Variants in RAB10 observed in about 807,000 individuals in gnomAD.
The protein encoded by RAB10 is RAB10, member RAS oncogene family, also known as ras-related protein Rab-10.
Under a neutral mutation model 25.7 loss-of-function variants are expected in RAB10, and 5 were observed. That is an observed-to-expected ratio of 0.19 (90% CI 0.10 to 0.41). The LOEUF (loss-of-function observed/expected upper bound fraction) is 0.41, where lower values mean the gene tolerates loss of function less well. Among genes scored for constraint, RAB10 ranks in the 10% least tolerant of loss-of-function variants. RAB10 has a pLI of 1.00. For missense variants in RAB10, 103 were observed against 245.8 expected (o/e 0.42, Z 3.89); for synonymous variants, 89 against 86.4 (o/e 1.03, Z -0.16).
rs547735919 is a variant in RAB10, at chr2:26,088,626, T to A, written c.128-10036T>A. 4.0e-4 allele frequency among the ~76,000 whole-genome samples: 61 copies of A among 152,236 alleles called. 2 individuals carry two copies. In the South Asian group the frequency reaches 0.012, roughly 30 times the overall value. On this transcript the variant is annotated intron_variant, in intron 1 of 5. Coordinates refer to ENST00000264710, the MANE Select transcript of RAB10 (RefSeq NM_016131.5). ...TAGTTTAACTTGTCCCCCCACCAAG[T>A]TGGAGTCTTGCGAATCTTGCTCTGT...
chr2:26,111,101 C>T (rs1466300321), intron 3 of RAB10, among the ~76,000 whole-genome samples: 1 of 152,140 alleles, frequency 6.6e-6, no homozygotes, highest in Non-Finnish European at 1.5e-5. Flanking sequence ...GTTTTTCATG[C>T]CTTATTGCTA....
At chr2:26,127,257 A>T in intron 4 of RAB10, 24 bp downstream of exon 4, 1 of 1,497,326 alleles carries the variant, frequency 6.7e-7, no homozygotes, top group Non-Finnish European at 9.1e-7. Context: ...TTAAACTGAT[A>T]CTCTGCTCTG....
intron 3 of RAB10, among the ~76,000 whole-genome samples, chr2:26,113,708 T>G (rs971362118): frequency 4.7e-5 from 7 of 149,112 alleles, no homozygotes; most frequent in Admixed American, 6.7e-5. Flanking sequence ...CTCTGGCCAC[T>G]TCTGTTCAAC....
intron 2 of RAB10, among the ~76,000 whole-genome samples, chr2:26,103,837 A>G (rs761009265): frequency 8.6e-5 from 13 of 152,026 alleles, no homozygotes; most frequent in Non-Finnish European, 1.2e-4. Flanking sequence ...CATATAATAT[A>G]TGGTCTTTTG....
Position 26,053,674 on chromosome 2 carries a change from C to A in RAB10, c.127+18939C>A, listed in dbSNP as rs146555415. On this transcript the variant is annotated intron_variant, in intron 1 of 5. Coordinates refer to ENST00000264710, the MANE Select transcript of RAB10 (RefSeq NM_016131.5). ...ATATATTCTTAGTGTTACATAAATG[C>A]TTTTGCTTTCCTTAAATTAGATATT... is the stretch of plus-strand genomic sequence containing the variant. Among the ~76,000 whole-genome samples, 319 of 151,982 alleles carry A rather than the reference C, an allele frequency of 2.1e-3. 1 individual carries two copies. Among genetic ancestry groups the A allele is most frequent in the African/African-American group, 7.5e-3 (313 of 41,468 alleles).
intron 5 of RAB10, among the ~76,000 whole-genome samples, chr2:26,132,176 C>T (rs1234085385): frequency 2.6e-5 from 4 of 152,236 alleles, no homozygotes; most frequent in African/African-American, 9.6e-5. Flanking sequence ...TTACAAGACT[C>T]AGATCTTTCC....
chr2:26,035,229 G>A (rs1018281102), intron 1 of RAB10, among the ~76,000 whole-genome samples: 2 of 152,176 alleles, frequency 1.3e-5, no homozygotes, highest in Non-Finnish European at 2.9e-5. Context: ...GAAGGGAAGA[G>A]TGAGTTGCCC....
chr2:26,064,869 A>G (rs1191976557), intron 1 of RAB10, among the ~76,000 whole-genome samples: 2 of 152,060 alleles, frequency 1.3e-5, no homozygotes, highest in East Asian at 1.9e-4. Context: ...CAACCTAGCA[A>G]GACTCCTGTC....
intron 2 of RAB10, among the ~76,000 whole-genome samples, chr2:26,104,151 C>G (rs1274881117): frequency 6.6e-6 from 1 of 152,206 alleles, no homozygotes; most frequent in Non-Finnish European, 1.5e-5. Flanking sequence ...TTTTGAGGAA[C>G]TACCTGACTG....
rs1491250975 is a variant in RAB10, at chr2:26,034,109, TGA to T, written c.-496_-495del. Reference sequence around the variant, plus strand: ...GTCTCAGGCAGCGCGCACGCCGGCGTGAGAGGGCACGGGGAAAAGGTGGCTCT... The same window carrying T: ...GTCTCAGGCAGCGCGCACGCCGGCGTGAGGGCACGGGGAAAAGGTGGCTCT... On this transcript the variant is annotated 5_prime_UTR_variant, in exon 1 of 6. Transcript: ENST00000264710. 1 of 403,088 alleles carries T rather than the reference TGA, an allele frequency of 2.5e-6. No homozygotes were observed. Among genetic ancestry groups the T allele is most frequent in the Non-Finnish European group, 4.4e-6 (1 of 228,232 alleles). 25.0% of individuals were successfully genotyped at this position (403,088 alleles called of 1,614,324 possible). A position where few individuals can be genotyped will look rare whatever the true frequency, so the allele number is the denominator to read the frequency against.
intron 3 of RAB10, among the ~76,000 whole-genome samples, chr2:26,122,643 AAAAG>A (rs936702800): frequency 1.8e-4 from 28 of 152,090 alleles, no homozygotes; most frequent in African/African-American, 6.5e-4. Flanking sequence ...AAAACAAAAA[AAAAG>A]GGCATACTTG....
chr2:26,083,739 G>A lies in RAB10; in HGVS notation c.128-14923G>A, dbSNP rs544646956. Among the ~76,000 whole-genome samples, 9 of 152,136 alleles carry A rather than the reference G, an allele frequency of 5.9e-5. No homozygotes were observed. In the South Asian group the frequency reaches 8.3e-4, roughly 14 times the overall value. On this transcript the variant is annotated intron_variant, in intron 1 of 5. Transcript: ENST00000264710. Reference sequence around the variant, plus strand: ...TTGCTGTGTTGGCCAGGCTGGTCTCGAACTCCTGGCCTCAAGTGATCTGCC... The same window carrying A: ...TTGCTGTGTTGGCCAGGCTGGTCTCAAACTCCTGGCCTCAAGTGATCTGCC...
At chr2:26,095,490 C>G (rs989858256) in intron 1 of RAB10, among the ~76,000 whole-genome samples, 3 of 152,134 alleles carry the variant, frequency 2.0e-5, no homozygotes, top group African/African-American at 7.2e-5. Flanking sequence ...GCCTGTAGCC[C>G]CAGCTAGTCA....
At chr2:26,033,482 A>G (rs1224943666), upstream of RAB10, among the ~76,000 whole-genome samples, 2 of 152,212 alleles carry the variant, frequency 1.3e-5, no homozygotes, top group Admixed American at 1.3e-4. Context: ...CTTGAAGTCA[A>G]TCCGGATGGA....
intron 5 of RAB10, among the ~76,000 whole-genome samples, chr2:26,130,737 C>G (rs1048758689): frequency 2.0e-5 from 3 of 151,962 alleles, no homozygotes; most frequent in Admixed American, 6.6e-5. Flanking sequence ...GTGTGAGCCA[C>G]GTGCCAAAAA....
chr2:26,034,576 C>G lies in RAB10; in HGVS notation c.-33C>G. On this transcript the variant is annotated 5_prime_UTR_variant, in exon 1 of 6. Coordinates refer to ENST00000264710, the MANE Select transcript of RAB10 (RefSeq NM_016131.5). ...GTGAGAGGGACCGATCCCTTGGGGC[C>G]GCCGGCGGCGAGAGCCCGAGCCGCT... 6.2e-7 allele frequency: 1 copy of G among 1,612,124 alleles called. No homozygotes were observed. The highest frequency in any genetic ancestry group is 8.5e-7 in the Non-Finnish European group (1 of 1,179,792).
intron 1 of RAB10, among the ~76,000 whole-genome samples, chr2:26,068,483 A>T (rs1291498784): frequency 6.6e-6 from 1 of 152,204 alleles, no homozygotes; most frequent in East Asian, 1.9e-4. Flanking sequence ...ATACTATTTA[A>T]TCTTTAAGGA....
At chr2:26,072,447 A>T (rs1666647107) in intron 1 of RAB10, among the ~76,000 whole-genome samples, 1 of 151,828 alleles carries the variant, frequency 6.6e-6, no homozygotes, top group African/African-American at 2.4e-5. Flanking sequence ...TAATAAAAAT[A>T]ATAATAGAAC....
intron 1 of RAB10, among the ~76,000 whole-genome samples, chr2:26,052,046 G>C (rs1666148916): frequency 6.7e-6 from 1 of 149,718 alleles, no homozygotes; most frequent in Non-Finnish European, 1.5e-5. Flanking sequence ...AACAGAGCGA[G>C]ACTCAGTCTC....
Sources: gnomAD v4.1 joint callset for allele counts (sites outside exome capture counted in the v4.1 genomes callset) on GRCh38, gnomAD v4.1.1 for gene constraint, MANE v1.5 for transcripts, NCBI Gene and HGNC (gene_info 2026-07-23, HGNC 2026-07-21) for gene names.